Variants in CAMTA2 observed in about 807,000 individuals in gnomAD.
The protein encoded by CAMTA2 is calmodulin binding transcription activator 2, also known as calmodulin-binding transcription activator 2.
A neutral mutation model predicts 135.7 loss-of-function variants in CAMTA2; 56 were observed. The observed-to-expected ratio is 0.41, with a 90% CI of 0.33 to 0.52. The LOEUF is 0.52. Ranked by LOEUF, CAMTA2 falls within the 20% of genes least tolerant of loss-of-function variation. CAMTA2 has a pLI of 0.16. For missense variants in CAMTA2, 1,358 were observed against 1,553.4 expected, an observed-to-expected ratio of 0.87 and a Z score of 2.11; for synonymous variants, 591 against 604.6, an observed-to-expected ratio of 0.98 and a Z score of 0.33.
In CAMTA2 at chr17:4,969,024, A is replaced by G. The variant is rs1972093230; in HGVS notation, c.3471-43T>C. 1 of 1,602,620 alleles carries G rather than the reference A, an allele frequency of 6.2e-7. No individual in the cohort carries two copies. Among genetic ancestry groups the G allele is most frequent in the African/African-American group, 1.3e-5 (1 of 74,376 alleles). ...AGATGGACCTCACAGAAGGCATCGC[A>G]TGCCTTCGGCCCCCCCAGGAACCCT... is the stretch of plus-strand genomic sequence containing the variant. On this transcript the variant is annotated intron_variant, in intron 21 of 22. Coordinates refer to ENST00000348066, the MANE Select transcript of CAMTA2 (RefSeq NM_015099.4). The surrounding 1 kb of genome is among the most constrained non-coding windows in gnomAD (Gnocchi z 5.6).
At chr17:4,978,465 C>A (rs1247936297) in intron 10 of CAMTA2, 39 bp downstream of exon 10, 3 of 1,606,576 alleles carry the variant, frequency 1.9e-6, no homozygotes, top group Non-Finnish European at 2.6e-6. Context: ...TAACTGCCCA[C>A]ATGTCAGTCC....
intron 13 of CAMTA2, 47 bp from the exon 14 acceptor site, chr17:4,973,300 T>C (rs1972419721): frequency 2.0e-6 from 3 of 1,493,094 alleles, no homozygotes; most frequent in Non-Finnish European, 2.8e-6. Context: ...AGGGAAAAAG[T>C]GGGCAAAGCA....
rs778431751 is a variant in CAMTA2, at chr17:4,986,247, C to T, written c.-25G>A. Reference sequence around the variant, plus strand: ...TGGTGAGGGCTCCAGGGGGCAAGGTCACCCCCGGCCTGAGGGGCCGGGGGG... The same window carrying T: ...TGGTGAGGGCTCCAGGGGGCAAGGTTACCCCCGGCCTGAGGGGCCGGGGGG... On this transcript the variant is annotated 5_prime_UTR_variant, in exon 2 of 23. The change abolishes the stop of an existing upstream ORF in the 5' untranslated region. Coordinates refer to ENST00000348066, the MANE Select transcript of CAMTA2 (RefSeq NM_015099.4). The T allele has an allele frequency of 1.9e-6, 3 of 1,597,544 alleles. No homozygotes were observed. In the South Asian group the frequency reaches 3.3e-5, roughly 18 times the overall value.
rs776304230 is a variant in CAMTA2, at chr17:4,978,589, G to A, written c.1680C>T (p.Ala560=). ...KVLITGPWTE[A]AEHYSCVFDH... ...CAAAGACACAGGAGTAATGCTCGGCGGCTTCGGTCCAAGGACCTGTGATGA... is the reference window on the plus strand; with the variant it reads ...CAAAGACACAGGAGTAATGCTCGGCAGCTTCGGTCCAAGGACCTGTGATGA... The change falls in exon 10 of 23, where the codon GCC becomes GCT. Residue 560 remains alanine (A), a synonymous_variant. Transcript: ENST00000348066. The A allele has an allele frequency of 1.7e-5, 27 of 1,614,038 alleles. No individual in the cohort carries two copies. The Admixed American group carries it at 1.8e-4, about 11-fold the overall frequency.
intron 6 of CAMTA2, 84 bp from the exon 7 acceptor site, chr17:4,981,915 A>G (rs1597771293): frequency 7.1e-7 from 1 of 1,400,568 alleles, no homozygotes; most frequent in African/African-American, 1.5e-5. Context: ...CTTCCTGGGC[A>G]CCCTCCTAAC....
In CAMTA2 at chr17:4,970,546, GGGA is replaced by G. The variant is rs745454226; in HGVS notation, c.2809-13_2809-11del. 10 of 1,605,096 alleles carry G rather than the reference GGGA, an allele frequency of 6.2e-6. No individual in the cohort carries two copies. Among genetic ancestry groups the G allele is most frequent in the African/African-American group, 1.3e-5 (1 of 74,906 alleles). On this transcript the variant is annotated splice_polypyrimidine_tract_variant and intron_variant, in intron 16 of 22. Transcript: ENST00000348066. The stretch of plus-strand genomic sequence containing the variant: ...GTGAGATCATGTCCACCTGGAAGAA[GGGA>G]GAAGCTGAGTGAGTCCTTAGGGGCC...
Position 4,969,866 on chromosome 17 carries a change from G to T in CAMTA2, c.3189+36C>A, listed in dbSNP as rs1199410979. The stretch of plus-strand genomic sequence containing the variant: ...GGGAGCCCAGTCTCCCCTGACTGGA[G>T]ATTGTGTAATTCATCCTGAGACCCC... On this transcript the variant is annotated intron_variant, in intron 18 of 22. Transcript: ENST00000348066. The surrounding 1 kb of genome is among the most constrained non-coding windows in gnomAD (Gnocchi z 5.6). 1.9e-6 allele frequency: 3 copies of T among 1,609,332 alleles called. No individual in the cohort carries two copies. In the African/African-American group the frequency reaches 4.0e-5, roughly 21 times the overall value.
At chr17:4,982,695 G>C in intron 5 of CAMTA2, 62 bp downstream of exon 5, 1 of 1,588,386 alleles carries the variant, frequency 6.3e-7, no homozygotes, top group Non-Finnish European at 8.6e-7. Context: ...TCGGGCTAGA[G>C]CCCAGCTAAG....
At position 4,969,312 on chromosome 17, in the gene CAMTA2, T is replaced by A; in HGVS notation, c.3308A>T (p.Gln1103Leu). Reference protein sequence around the residue: ...LKFALYKKMTQAAILIQSKFR... With the variant: ...LKFALYKKMTLAAILIQSKFR... ...CTTGCTCTGGATCAGGATGGCCGCC[T>A]GGGTCATCTTCTTATAGAGTGCAAA... The change falls in exon 21 of 23, where the codon CAG becomes CTG. Residue 1103 changes from glutamine to leucine, a missense_variant. Physicochemically the swap from Gln to Leu is moderately radical, Grantham distance 113 (BLOSUM62 -2). This residue lies in a region of CAMTA2 where 167 missense variants were observed against 207.0 expected (regional missense o/e 0.81). Transcript: ENST00000348066. This position sits in a 1 kb window ranked among gnomAD's most constrained non-coding sequence, Gnocchi z 5.6. 1 of 1,613,794 alleles carries A rather than the reference T, an allele frequency of 6.2e-7. No individual in the cohort carries two copies. The highest frequency in any genetic ancestry group is 8.5e-7 in the Non-Finnish European group (1 of 1,179,940).
At position 4,980,267 on chromosome 17, in the gene CAMTA2, G is replaced by A. The variant is rs1032278958; in HGVS notation, c.1055C>T (p.Pro352Leu). The A allele has an allele frequency of 2.5e-6, 4 of 1,595,312 alleles. No homozygotes were observed. In the Admixed American group the frequency reaches 5.2e-5, roughly 21 times the overall value. ...TACAACCACTGCCAAACTCATGGAAGGCCTAGGATCAGCCTGTGGAGCCAA... is the reference window on the plus strand; with the variant it reads ...TACAACCACTGCCAAACTCATGGAAAGCCTAGGATCAGCCTGTGGAGCCAA... ...RHLAPQADPR[P>L]SMSLAVVVGT... Residue 352 changes from proline (P) to leucine (L), a missense_variant, in exon 9 of 23, where the codon CCT becomes CTT. Transcript: ENST00000348066. This position sits in a 1 kb window ranked among gnomAD's most constrained non-coding sequence, Gnocchi z 5.3.
In CAMTA2 at chr17:4,974,037, C is replaced by T. The variant is rs146884003; in HGVS notation, c.2017-268G>A. On this transcript the variant is annotated intron_variant, in intron 12 of 22. Coordinates refer to ENST00000348066, the MANE Select transcript of CAMTA2 (RefSeq NM_015099.4). Reference sequence around the variant, plus strand: ...TGCCATGTTCACACATGGCTTCTCCCCCTCAGAAGCCAGAGCCTTCTCTGA... The same window carrying T: ...TGCCATGTTCACACATGGCTTCTCCTCCTCAGAAGCCAGAGCCTTCTCTGA... 2.3e-3 allele frequency: 1,222 copies of T among 540,446 alleles called. 4 individuals carry two copies. The highest frequency in any genetic ancestry group is 0.011 in the African/African-American group (577 of 52,702). 33.5% of individuals were successfully genotyped at this position (540,446 alleles called of 1,614,324 possible). A position where few individuals can be genotyped will look rare whatever the true frequency, so the allele number is the denominator to read the frequency against.
At chr17:4,986,925 G>C in intron 1 of CAMTA2, 1 of 1,507,278 alleles carries the variant, frequency 6.6e-7, no homozygotes, top group Middle Eastern at 1.7e-4. Context: ...AAACGCCTCT[G>C]CCTCCCCTGG....
At chr17:4,986,529 G>A (rs372729851) in intron 1 of CAMTA2, 8 of 524,374 alleles carry the variant, frequency 1.5e-5, no homozygotes, top group South Asian at 9.7e-5. Flanking sequence ...GTGGGGGAGC[G>A]GGGAGAAGAC....
In CAMTA2 at chr17:4,977,057, C is replaced by A; in HGVS notation, c.1900+1G>T. ...TTGGGTTCAGAGGGCTGGGTACTCA[C>A]CGTCCAGTGACAGCCAGTCAAGTTG... On this transcript the variant is annotated splice_donor_variant, in intron 11 of 22. Transcript: ENST00000348066. LOFTEE classifies it high-confidence loss of function. The A allele has an allele frequency of 6.2e-7, 1 of 1,614,100 alleles. No homozygotes were observed. The highest frequency in any genetic ancestry group is 8.5e-7 in the Non-Finnish European group (1 of 1,180,004).
At position 4,969,455 on chromosome 17, in the gene CAMTA2, G is replaced by T; in HGVS notation, c.3282+45C>A. 6.2e-7 allele frequency: 1 copy of T among 1,612,384 alleles called. No homozygotes were observed. The highest frequency in any genetic ancestry group is 8.5e-7 in the Non-Finnish European group (1 of 1,178,412). On this transcript the variant is annotated intron_variant, in intron 20 of 22. Coordinates refer to ENST00000348066, the MANE Select transcript of CAMTA2 (RefSeq NM_015099.4). The surrounding 1 kb of genome is among the most constrained non-coding windows in gnomAD (Gnocchi z 5.6). ...TCTGTAACCCACACACTCAAGGAAAGACTGAATCATCACAGACCTCACACT... is the reference window on the plus strand; with the variant it reads ...TCTGTAACCCACACACTCAAGGAAATACTGAATCATCACAGACCTCACACT...
intron 1 of CAMTA2, chr17:4,986,675 C>T (rs1212004683): frequency 1.9e-6 from 1 of 538,284 alleles, no homozygotes; most frequent in Middle Eastern, 4.6e-4. Flanking sequence ...AGCCTGGATC[C>T]TGGGGGCAGG....
chr17:4,987,192 G>A (rs1466805836), intron 1 of CAMTA2: 2 of 1,340,810 alleles, frequency 1.5e-6, no homozygotes, highest in Non-Finnish European at 1.9e-6. Context: ...CGGGTCCTTG[G>A]GCTGCACTTG....
rs1334401549 is a variant in CAMTA2, at chr17:4,968,190, G to A, written c.*566C>T. On this transcript the variant is annotated 3_prime_UTR_variant, in exon 23 of 23. Coordinates refer to ENST00000348066, the MANE Select transcript of CAMTA2 (RefSeq NM_015099.4). ...CAGTATGTACAAGACCCCTCCCCTC[G>A]GGGGACGGGGCGGACTCCGCAACGC... The A allele has an allele frequency of 3.9e-6, 1 of 259,584 alleles. No homozygotes were observed. Among genetic ancestry groups the A allele is most frequent in the Middle Eastern group, 1.4e-3 (1 of 732 alleles). 16.1% of individuals were successfully genotyped at this position (259,584 alleles called of 1,614,324 possible).
chr17:4,968,960 C>G lies in CAMTA2; in HGVS notation c.3492G>C (p.Lys1164Asn), dbSNP rs1364500854. 1 of 1,614,060 alleles carries G rather than the reference C, an allele frequency of 6.2e-7. No individual in the cohort carries two copies. The highest frequency in any genetic ancestry group is 8.5e-7 in the Non-Finnish European group (1 of 1,180,028). The change falls in exon 22 of 23, where the codon AAG becomes AAC. Residue 1164 changes from lysine to asparagine, a missense_variant. Physicochemically the swap from Lys to Asn is moderately conservative, Grantham distance 94. Coordinates refer to ENST00000348066, the MANE Select transcript of CAMTA2 (RefSeq NM_015099.4). ...ARNKGSFLTK[K>N]QDQAARKIMR... ...TGATCTTCCGGGCTGCCTGGTCCTG[C>G]TTCTTGGTGAGAAAGGAGCCTCTGG...
Sources: gnomAD v4.1 joint callset for allele counts on GRCh38, gnomAD v4.1.1 for gene constraint, gnomAD v4.1.1 regional missense constraint, Gnocchi (gnomAD v3.1) non-coding constraint, MANE v1.5 for transcripts, NCBI Gene and HGNC (gene_info 2026-07-23, HGNC 2026-07-21) for gene names.